The following LOC128092252 variants were observed in gnomAD, a reference collection of about 807,000 sequenced individuals.
the LOC128092252 span, among the ~76,000 whole-genome samples, chr15:50,673,552 A>G: frequency 2.6e-5 from 4 of 152,210 alleles, no homozygotes; most frequent in African/African-American, 7.2e-5. Flanking sequence ...TACTTCACTT[A>G]GAATTAAGAG....
chr15:50,658,363 A>C, the LOC128092252 span, among the ~76,000 whole-genome samples: 1 of 151,980 alleles, frequency 6.6e-6, no homozygotes, highest in African/African-American at 2.4e-5. Context: ...GCTTGAGTCC[A>C]GGAGTTTAAG....
At chr15:50,677,322 C>T in the LOC128092252 span, among the ~76,000 whole-genome samples, 8 of 152,064 alleles carry the variant, frequency 5.3e-5, no homozygotes, top group African/African-American at 1.9e-4. Context: ...CCAAAGTTCT[C>T]ATCTCCAAAT....
chr15:50,676,710 G>A, the LOC128092252 span, among the ~76,000 whole-genome samples: 7 of 152,088 alleles, frequency 4.6e-5, no homozygotes, highest in East Asian at 3.9e-4. Flanking sequence ...CCTGAAAACA[G>A]TCCCCATCCT....
chr15:50,683,585 T>C, the LOC128092252 span, among the ~76,000 whole-genome samples: 6 of 151,820 alleles, frequency 4.0e-5, no homozygotes, highest in African/African-American at 1.5e-4. Flanking sequence ...AATACAAAAA[T>C]TAGCCGGGTG....
the LOC128092252 span, among the ~76,000 whole-genome samples, chr15:50,684,287 G>A: frequency 6.6e-6 from 1 of 151,862 alleles, no homozygotes. Context: ...TGAGTAGCTA[G>A]GATTACCACG....
At chr15:50,649,792 T>A in the LOC128092252 span, among the ~76,000 whole-genome samples, 1 of 152,080 alleles carries the variant, frequency 6.6e-6, no homozygotes, top group Admixed American at 6.6e-5. Flanking sequence ...GATGAGAGTT[T>A]GAGGAAGCCA....
At chr15:50,673,666 C>T in the LOC128092252 span, among the ~76,000 whole-genome samples, 1 of 152,060 alleles carries the variant, frequency 6.6e-6, no homozygotes, top group East Asian at 1.9e-4. Flanking sequence ...GTTTCTTTAT[C>T]CACTCGTTGA....
chr15:50,671,600 G>A, the LOC128092252 span, among the ~76,000 whole-genome samples: 2 of 152,020 alleles, frequency 1.3e-5, no homozygotes, highest in African/African-American at 4.8e-5. Flanking sequence ...CTTGAGGCCA[G>A]GAGTTCAAGA....
the LOC128092252 span, among the ~76,000 whole-genome samples, chr15:50,667,703 T>A: frequency 1.3e-5 from 2 of 151,984 alleles, no homozygotes; most frequent in Admixed American, 6.6e-5. Flanking sequence ...GGAGACTCCA[T>A]CCCCCTCCAA....
the LOC128092252 span, among the ~76,000 whole-genome samples, chr15:50,681,912 T>A: frequency 2.0e-5 from 3 of 152,272 alleles, no homozygotes; most frequent in African/African-American, 7.2e-5. Flanking sequence ...GACTGTGCGG[T>A]GGCTCACGCC....
chr15:50,683,461 T>C, the LOC128092252 span, among the ~76,000 whole-genome samples: 1 of 150,864 alleles, frequency 6.6e-6, no homozygotes, highest in Non-Finnish European at 1.5e-5. Flanking sequence ...GAAGCCAGGG[T>C]CAGTGGCTCA....
the LOC128092252 span, among the ~76,000 whole-genome samples, chr15:50,684,141 C>G: frequency 6.6e-6 from 1 of 151,452 alleles, no homozygotes; most frequent in East Asian, 2.0e-4. Flanking sequence ...TTACTGCGCC[C>G]CACCTGATTA....
chr15:50,678,514 AAAAATATATAT>A, the LOC128092252 span, among the ~76,000 whole-genome samples: 1 of 79,396 alleles, frequency 1.3e-5, no homozygotes, highest in African/African-American at 3.9e-5. Flanking sequence ...TTTAAAAAAA[AAAAATATATAT>A]ATATATATAT....
At chr15:50,681,057 C>A in the LOC128092252 span, among the ~76,000 whole-genome samples, 2 of 152,114 alleles carry the variant, frequency 1.3e-5, no homozygotes, top group African/African-American at 4.8e-5. Context: ...TCGAGACCAG[C>A]CTGACCAACA....
chr15:50,663,940 G>C, the LOC128092252 span, among the ~76,000 whole-genome samples: 55 of 151,146 alleles, frequency 3.6e-4, 1 homozygote, highest in Middle Eastern at 3.6e-3. Context: ...TCCAGCCTGA[G>C]TGAAAGAGTG....
the LOC128092252 span, among the ~76,000 whole-genome samples, chr15:50,654,426 A>G: frequency 1.3e-5 from 2 of 151,102 alleles, 1 homozygote. Context: ...CAGCCTGGGC[A>G]ACAGAACAAG....
At chr15:50,669,594 A>G in the LOC128092252 span, among the ~76,000 whole-genome samples, 2 of 152,230 alleles carry the variant, frequency 1.3e-5, no homozygotes, top group African/African-American at 4.8e-5. Context: ...TAACAAAGCA[A>G]ATCGGTCATA....
the LOC128092252 span, among the ~76,000 whole-genome samples, chr15:50,678,257 AC>A: frequency 1.9e-3 from 259 of 133,096 alleles, 5 homozygotes; most frequent in African/African-American, 3.5e-3. Flanking sequence ...AAAAACAAAA[AC>A]AAAAACAAAA....
the LOC128092252 span, among the ~76,000 whole-genome samples, chr15:50,663,660 A>G: frequency 6.6e-6 from 1 of 152,160 alleles, no homozygotes; most frequent in East Asian, 1.9e-4. Context: ...TTATTCTGGG[A>G]TATGAGCCAT....
Sources: allele counts gnomAD v4.1 joint callset (sites outside exome capture counted in the v4.1 genomes callset), GRCh38; gene constraint gnomAD v4.1.1; transcripts MANE v1.5.